CDKAL1: variants seen among roughly 807,000 people sequenced by gnomAD.
CDKAL1 encodes CDKAL1 threonylcarbamoyladenosine tRNA methylthiotransferase, also known as threonylcarbamoyladenosine tRNA methylthiotransferase.
Under a neutral mutation model 68.2 loss-of-function variants are expected in CDKAL1, and 32 were observed. The observed-to-expected ratio is 0.47, with a 90% CI of 0.35 to 0.63. CDKAL1 has a LOEUF of 0.63. CDKAL1 is among the 30% of genes least tolerant of loss of function. The probability of loss-of-function intolerance (pLI) is 0.00; values close to 1 mark genes in which losing one functional copy is unlikely to be tolerated. For synonymous variants in CDKAL1, 234 were observed against 244.3 expected (o/e 0.96, Z 0.39); for missense variants, 606 against 696.7 (o/e 0.87, Z 1.47).
chr6:20,614,551 G>GT (rs1426069073), intron 4 of CDKAL1, among the ~76,000 whole-genome samples: 1 of 152,060 alleles, frequency 6.6e-6, no homozygotes, highest in Non-Finnish European at 1.5e-5. Flanking sequence ...TAAGAGTTAT[G>GT]TTTGTTCAGT....
At chr6:20,860,363 G>A (rs1292826329) in intron 9 of CDKAL1, among the ~76,000 whole-genome samples, 2 of 152,296 alleles carry the variant, frequency 1.3e-5, no homozygotes, top group South Asian at 2.1e-4. Context: ...ACAGGCATGA[G>A]CCACTTGGCT....
chr6:21,197,946 G>T, intron 13 of CDKAL1, 75 bp from the exon 14 acceptor site: 1 of 872,200 alleles, frequency 1.1e-6, no homozygotes. Context: ...ACCTGGGCTA[G>T]CCTTTATTTT....
At chr6:20,762,072 C>T (rs1417750625) in intron 7 of CDKAL1, among the ~76,000 whole-genome samples, 2 of 152,076 alleles carry the variant, frequency 1.3e-5, no homozygotes, top group East Asian at 1.9e-4. Context: ...GAATCTAAAA[C>T]TACTCTAAAA....
intron 4 of CDKAL1, among the ~76,000 whole-genome samples, chr6:20,616,512 G>T (rs1368860197): frequency 3.5e-5 from 5 of 142,638 alleles, no homozygotes; most frequent in South Asian, 2.4e-4. Flanking sequence ...TTGTAAGTTG[G>T]ATTCCTAGGT....
At chr6:20,585,447 T>C (rs1356679592) in intron 4 of CDKAL1, among the ~76,000 whole-genome samples, 2 of 152,198 alleles carry the variant, frequency 1.3e-5, no homozygotes, top group Non-Finnish European at 2.9e-5. Flanking sequence ...TTCTCTGTAA[T>C]AGCAAAATTC....
chr6:20,605,270 A>T (rs1373213266), intron 4 of CDKAL1, among the ~76,000 whole-genome samples: 1 of 152,190 alleles, frequency 6.6e-6, no homozygotes, highest in African/African-American at 2.4e-5. Context: ...TTCAAGAAGG[A>T]AGGTTTGGGT....
chr6:20,925,056 A>G (rs1763124910), intron 9 of CDKAL1, among the ~76,000 whole-genome samples: 1 of 152,220 alleles, frequency 6.6e-6, no homozygotes. Flanking sequence ...ATCAACCAAT[A>G]CAGCAAACTT....
chr6:20,537,108 C>T (rs374153878), intron 2 of CDKAL1, among the ~76,000 whole-genome samples: 1 of 151,960 alleles, frequency 6.6e-6, no homozygotes, highest in Non-Finnish European at 1.5e-5. Context: ...GGCGTGATCT[C>T]GGCTCACTGC....
intron 4 of CDKAL1, among the ~76,000 whole-genome samples, chr6:20,568,841 CT>C (rs1310863724): frequency 6.6e-6 from 1 of 152,188 alleles, no homozygotes; most frequent in African/African-American, 2.4e-5. Context: ...ACTCTGCCCC[CT>C]CATCAGACTC....
intron 5 of CDKAL1, among the ~76,000 whole-genome samples, chr6:20,718,214 T>G (rs1228294247): frequency 6.6e-6 from 1 of 152,230 alleles, no homozygotes; most frequent in Non-Finnish European, 1.5e-5. Flanking sequence ...TCCAGTTCAT[T>G]TCCCTGAACC....
intron 11 of CDKAL1, among the ~76,000 whole-genome samples, chr6:21,003,371 TACACACACACACACAC>T (rs55839331): frequency 1.1e-3 from 52 of 49,234 alleles, no homozygotes; most frequent in South Asian, 1.9e-3. Flanking sequence ...TATATATATA[TACACACACACACACAC>T]ACATATATAC....
chr6:21,185,081 T>C (rs1297950480), intron 13 of CDKAL1, among the ~76,000 whole-genome samples: 4 of 152,300 alleles, frequency 2.6e-5, no homozygotes, highest in African/African-American at 9.6e-5. Flanking sequence ...GTTGGCTTTG[T>C]TTCTGCTATT....
chr6:20,854,323 C>A (rs1036478975), intron 9 of CDKAL1, among the ~76,000 whole-genome samples: 1 of 152,180 alleles, frequency 6.6e-6, no homozygotes, highest in African/African-American at 2.4e-5. Flanking sequence ...AATCCCGAGG[C>A]TTCTGTTATG....
chr6:21,141,157 C>A (rs867270097), intron 13 of CDKAL1, among the ~76,000 whole-genome samples: 2 of 152,184 alleles, frequency 1.3e-5, no homozygotes, highest in Admixed American at 1.3e-4. Flanking sequence ...CACCACTCCC[C>A]CCTTGCACGC....
chr6:20,738,945 T>G (rs1773321320), intron 5 of CDKAL1, among the ~76,000 whole-genome samples: 1 of 152,200 alleles, frequency 6.6e-6, no homozygotes, highest in Admixed American at 6.5e-5. Flanking sequence ...TGCTTGCATA[T>G]GTGAGGGATA....
rs546018031 is a variant in CDKAL1 at position 20,639,882 on chromosome 6, G to A, written c.287-9411G>A. On this transcript the variant is annotated intron_variant, in intron 4 of 15. Coordinates refer to ENST00000274695, the MANE Select transcript of CDKAL1 (RefSeq NM_017774.3). ...GATGGGGTTTCACCATGTTGGTGAA[G>A]CTGGTCTTGAACTCCTGACCTCGTG... is the stretch of plus-strand genomic sequence containing the variant. Among the ~76,000 whole-genome samples, 63 of 152,334 alleles carry A rather than the reference G, an allele frequency of 4.1e-4. 1 individual carries two copies. The South Asian group carries it at 6.6e-3, about 16-fold the overall frequency.
At chr6:21,090,260 G>A (rs1271198584) in intron 12 of CDKAL1, among the ~76,000 whole-genome samples, 1 of 152,162 alleles carries the variant, frequency 6.6e-6, no homozygotes, top group Non-Finnish European at 1.5e-5. Flanking sequence ...TGCAGACACT[G>A]TACCAAGCAT....
chr6:20,617,993 A>G (rs565245544), intron 4 of CDKAL1, among the ~76,000 whole-genome samples: 1 of 152,176 alleles, frequency 6.6e-6, no homozygotes, highest in African/African-American at 2.4e-5. Context: ...GAATCGCCAC[A>G]CTGTCTTCCA....
intron 13 of CDKAL1, among the ~76,000 whole-genome samples, chr6:21,135,479 G>A (rs1193126318): frequency 6.6e-6 from 1 of 152,154 alleles, no homozygotes; most frequent in African/African-American, 2.4e-5. Flanking sequence ...TAAATTTTAA[G>A]AACCAATAAA....
Sources: allele counts gnomAD v4.1 joint callset (sites outside exome capture counted in the v4.1 genomes callset), GRCh38; gene constraint gnomAD v4.1.1; transcripts MANE v1.5; gene names NCBI Gene and HGNC (gene_info 2026-07-23, HGNC 2026-07-21).